TXNDC16: variants seen among roughly 807,000 people sequenced by gnomAD.
TXNDC16 encodes the protein thioredoxin domain-containing protein 16.
In TXNDC16, 74 loss-of-function variants were observed where a neutral mutation model predicts 85.6. The ratio of observed to expected loss-of-function variants is 0.86; its 90% CI spans 0.72 to 1.05. TXNDC16 has a LOEUF of 1.05. Ranked by LOEUF, TXNDC16 falls within the 50% of genes least tolerant of loss-of-function variation. The pLI, the probability that TXNDC16 is intolerant of heterozygous loss-of-function variation, is 0.00. For synonymous variants in TXNDC16, 335 were observed against 326.5 expected (o/e 1.03, Z -0.28); for missense variants, 959 against 947.0 (o/e 1.01, Z -0.17).
At chr14:52,469,967 T>C (rs2035865817) in intron 16 of TXNDC16, 70 bp downstream of exon 16, 1 of 1,379,488 alleles carries the variant, frequency 7.2e-7, no homozygotes, top group Non-Finnish European at 9.7e-7. Flanking sequence ...TAAAAAGATA[T>C]TCTTAAAAAA....
At chr14:52,544,638 T>C (rs987577945) in intron 1 of TXNDC16, among the ~76,000 whole-genome samples, 1 of 152,024 alleles carries the variant, frequency 6.6e-6, no homozygotes, top group Non-Finnish European at 1.5e-5. Flanking sequence ...AATTGAGTAT[T>C]TACTCTGCTC....
chr14:52,529,061 T>C (rs1317776164), intron 6 of TXNDC16, among the ~76,000 whole-genome samples: 1 of 149,448 alleles, frequency 6.7e-6, no homozygotes, highest in Non-Finnish European at 1.5e-5. Context: ...TATATAGCAA[T>C]GACTTGTAAC....
chr14:52,439,315 T>G lies in TXNDC16; in HGVS notation c.2083A>C (p.Asn695His). 1 of 1,614,054 alleles carries G rather than the reference T, an allele frequency of 6.2e-7. No homozygotes were observed. Among genetic ancestry groups the G allele is most frequent in the Non-Finnish European group, 8.5e-7 (1 of 1,179,978 alleles). The change falls in exon 20 of 21, where the codon AAT becomes CAT. Residue 695 changes from asparagine to histidine, a missense_variant. Asn to His is a moderately conservative substitution (Grantham distance 68, BLOSUM62 1). Transcript: ENST00000281741. ...AATACTTGGCCACCTGAATGCAGAT[T>G]CACCAAAACAAGAAGAGGAAGGGGA... Reference protein sequence around the residue: ...LPPLPLLVLVNLHSGGQVFAF... With the variant: ...LPPLPLLVLVHLHSGGQVFAF...
At chr14:52,538,034 C>G (rs1429612878) in intron 4 of TXNDC16, among the ~76,000 whole-genome samples, 1 of 152,206 alleles carries the variant, frequency 6.6e-6, no homozygotes, top group African/African-American at 2.4e-5. Context: ...GCAGATACTG[C>G]TGGTTTCCCA....
At chr14:52,462,092 A>G (rs888050165) in intron 16 of TXNDC16, among the ~76,000 whole-genome samples, 6 of 152,370 alleles carry the variant, frequency 3.9e-5, no homozygotes, top group Middle Eastern at 3.4e-3. Flanking sequence ...TCACACATAC[A>G]TAACACATAT....
Position 52,515,075 on chromosome 14 carries a change from A to G in TXNDC16, c.515-105T>C, listed in dbSNP as rs547119979. On this transcript the variant is annotated intron_variant, in intron 7 of 20. Coordinates refer to ENST00000281741, the MANE Select transcript of TXNDC16 (RefSeq NM_020784.3). ...ATCCTACACTCCTTTATGTTCTACT[A>G]TATTTAAAGAAAAATCCTTCACAGG... is the stretch of plus-strand genomic sequence containing the variant. The G allele has an allele frequency of 7.7e-4, 560 of 726,580 alleles. 2 individuals are homozygous for G. In the Middle Eastern group the frequency reaches 0.017, roughly 23 times the overall value. 45.0% of individuals were successfully genotyped at this position (726,580 alleles called of 1,614,324 possible). A position where few individuals can be genotyped will look rare whatever the true frequency, so the allele number is the denominator to read the frequency against.
At chr14:52,492,464 C>T (rs1460467477) in intron 9 of TXNDC16, among the ~76,000 whole-genome samples, 1 of 152,188 alleles carries the variant, frequency 6.6e-6, no homozygotes, top group Non-Finnish European at 1.5e-5. Flanking sequence ...ACCTTCTCTA[C>T]CTTCCACCAT....
At chr14:52,530,183 T>C (rs1425358060) in intron 6 of TXNDC16, among the ~76,000 whole-genome samples, 1 of 86,170 alleles carries the variant, frequency 1.2e-5, no homozygotes, top group Non-Finnish European at 2.0e-5. Flanking sequence ...TATATATAAA[T>C]ATATTATATT....
At chr14:52,484,589 A>G (rs964006859) in intron 12 of TXNDC16, among the ~76,000 whole-genome samples, 1 of 152,176 alleles carries the variant, frequency 6.6e-6, no homozygotes, top group Non-Finnish European at 1.5e-5. Context: ...TGAGTCATAT[A>G]GCACATAAGG....
At chr14:52,538,843 A>G (rs2140225143) in intron 4 of TXNDC16, among the ~76,000 whole-genome samples, 1 of 152,346 alleles carries the variant, frequency 6.6e-6, no homozygotes, top group East Asian at 1.9e-4. Flanking sequence ...TGGGGAAGCA[A>G]CGTTTGTTTA....
chr14:52,468,702 A>C (rs1413146660), intron 16 of TXNDC16, among the ~76,000 whole-genome samples: 1 of 151,952 alleles, frequency 6.6e-6, no homozygotes, highest in African/African-American at 2.4e-5. Context: ...ACACAGGGAG[A>C]CCTCATCTCT....
At chr14:52,498,405 T>TCA (rs140586435) in intron 9 of TXNDC16, among the ~76,000 whole-genome samples, 2,920 of 146,246 alleles carry the variant, frequency 0.02, 37 homozygotes, top group Admixed American at 0.029. Context: ...ACCCTAAAGA[T>TCA]CACACACACA....
At chr14:52,432,702 G>A in intron 20 of TXNDC16, 115 bp from the exon 21 acceptor site, 1 of 1,066,800 alleles carries the variant, frequency 9.4e-7, no homozygotes, top group Non-Finnish European at 1.3e-6. Flanking sequence ...AGTTTTATTA[G>A]TTTTACTTAT....
At chr14:52,498,963 T>A (rs1255433369) in intron 9 of TXNDC16, among the ~76,000 whole-genome samples, 2 of 152,076 alleles carry the variant, frequency 1.3e-5, no homozygotes, top group African/African-American at 2.4e-5. Flanking sequence ...AGTACTGGCA[T>A]AAAAACAGAC....
intron 9 of TXNDC16, among the ~76,000 whole-genome samples, chr14:52,492,809 C>A (rs1329332913): frequency 6.6e-6 from 1 of 152,160 alleles, no homozygotes; most frequent in Admixed American, 6.5e-5. Flanking sequence ...TCCCCCTTCC[C>A]AACCCTCCTC....
intron 18 of TXNDC16, among the ~76,000 whole-genome samples, chr14:52,452,587 A>G (rs1392908577): frequency 1.3e-5 from 2 of 152,232 alleles, no homozygotes; most frequent in African/African-American, 2.4e-5. Flanking sequence ...TGGGGAAAGA[A>G]TAATTTCTTC....
chr14:52,529,737 G>GCCTATTATATATTATATATAATA (rs1566581068), intron 6 of TXNDC16, among the ~76,000 whole-genome samples: 1 of 109,482 alleles, frequency 9.1e-6, no homozygotes, highest in East Asian at 2.5e-4. Context: ...TATATATAAT[G>GCCTATTATATATTATATATAATA]CCTATTATAT....
chr14:52,433,604 A>G (rs1216477867), intron 20 of TXNDC16, among the ~76,000 whole-genome samples: 1 of 152,234 alleles, frequency 6.6e-6, no homozygotes, highest in Non-Finnish European at 1.5e-5. Context: ...GTAAAGCTCA[A>G]ACAAAAATCT....
chr14:52,455,069 T>C (rs1252522620), intron 18 of TXNDC16, among the ~76,000 whole-genome samples: 2 of 152,168 alleles, frequency 1.3e-5, no homozygotes, highest in African/African-American at 4.8e-5. Flanking sequence ...TTATAACAAG[T>C]TTCACCCTGG....
Sources: gnomAD v4.1 joint callset for allele counts (sites outside exome capture counted in the v4.1 genomes callset) on GRCh38, gnomAD v4.1.1 for gene constraint, MANE v1.5 for transcripts, NCBI Gene and HGNC (gene_info 2026-07-23, HGNC 2026-07-21) for gene names.